APTX: variants seen among roughly 807,000 people sequenced by gnomAD.
APTX encodes the protein aprataxin.
APTX carries 33 observed loss-of-function variants against 42.3 expected under a neutral mutation model. That is an observed-to-expected ratio of 0.78 (90% CI 0.59 to 1.04). The LOEUF is 1.04. APTX is among the 50% of genes least tolerant of loss of function. The probability of loss-of-function intolerance (pLI) is 0.00; values close to 1 mark genes in which losing one functional copy is unlikely to be tolerated. For synonymous variants in APTX, 130 were observed against 146.7 expected (o/e 0.89, Z 0.82); for missense variants, 421 against 415.1 (o/e 1.01, Z -0.12).
Position 33,001,596 on chromosome 9 carries a change from G to C in APTX, c.-34C>G. ...AGAAGTCGGAGACGGACAAATTCAC[G>C]TTACTCATCTGTGCCTCACCGCTTC... On this transcript the variant is annotated 5_prime_UTR_variant, in exon 1 of 8. Transcript: ENST00000379817. The C allele has an allele frequency of 6.2e-7, 1 of 1,613,936 alleles. No individual in the cohort carries two copies. The highest frequency in any genetic ancestry group is 8.5e-7 in the Non-Finnish European group (1 of 1,180,020).
chr9:33,016,832 T>C (rs1382444811), intron 1 of APTX, among the ~76,000 whole-genome samples: 2 of 152,236 alleles, frequency 1.3e-5, no homozygotes, highest in Non-Finnish European at 2.9e-5. Context: ...TGTGTAGTGC[T>C]GGGCTGGACG....
intron 1 of APTX, among the ~76,000 whole-genome samples, chr9:32,994,676 TTC>T (rs1834404947): frequency 6.6e-6 from 1 of 152,244 alleles, no homozygotes; most frequent in South Asian, 2.1e-4. Context: ...TTCAAACTTT[TTC>T]GTTATTATTA....
intron 6 of APTX, among the ~76,000 whole-genome samples, chr9:32,982,866 T>C (rs1350424759): frequency 6.6e-6 from 1 of 152,220 alleles, no homozygotes; most frequent in Non-Finnish European, 1.5e-5. Flanking sequence ...AATAAAAATA[T>C]ATTTATATTT....
chr9:33,000,899 G>C (rs1207359789), intron 1 of APTX, among the ~76,000 whole-genome samples: 1 of 140,876 alleles, frequency 7.1e-6, no homozygotes, highest in Non-Finnish European at 1.5e-5. Flanking sequence ...CCAGGCTGGA[G>C]TGCAATGGCG....
chr9:32,984,870 T>C lies in APTX; in HGVS notation c.544-13A>G. On this transcript the variant is annotated splice_polypyrimidine_tract_variant and intron_variant, in intron 5 of 7. Transcript: ENST00000379817. ...CATCTTTGTAAACCTAGCAGAGGGA[T>C]ACAAGAGAAGGAAACAGACATCTAC... 3 of 1,606,562 alleles carry C rather than the reference T, an allele frequency of 1.9e-6. No individual in the cohort carries two copies. Among genetic ancestry groups the C allele is most frequent in the Non-Finnish European group, 2.6e-6 (3 of 1,173,080 alleles).
At chr9:32,989,612 C>T (rs1291656109) in intron 2 of APTX, 147 bp downstream of exon 2, 6 of 1,196,046 alleles carry the variant, frequency 5.0e-6, no homozygotes, top group Non-Finnish European at 7.4e-6. Flanking sequence ...TAAATAGGGC[C>T]CTGGTGTTGG....
At chr9:32,995,938 T>C (rs10758177) in intron 1 of APTX, among the ~76,000 whole-genome samples, 145,102 of 151,244 alleles carry the variant, frequency 0.96, 69,811 homozygotes, top group East Asian at 1. Context: ...CTTCAGCAAC[T>C]ATGACCCTGA....
chr9:32,987,540 T>A lies in APTX; in HGVS notation c.483+4A>T. On this transcript the variant is annotated splice_donor_region_variant and intron_variant, in intron 4 of 7. Transcript: ENST00000379817. ...ACATCATCTACCAATCACACTACCC[T>A]CACCTTTTTGATAGGTGCATCTTTT... 6.2e-7 allele frequency: 1 copy of A among 1,613,602 alleles called. No individual in the cohort carries two copies. Among genetic ancestry groups the A allele is most frequent in the East Asian group, 2.2e-5 (1 of 44,886 alleles).
At chr9:32,990,277 A>G (rs1291353001) in intron 1 of APTX, among the ~76,000 whole-genome samples, 1 of 152,106 alleles carries the variant, frequency 6.6e-6, no homozygotes, top group East Asian at 1.9e-4. Context: ...GGTTCAAGCA[A>G]TTCTCCTGCC....
chr9:32,982,255 C>G (rs10120554), intron 6 of APTX, among the ~76,000 whole-genome samples: 18,772 of 152,034 alleles, frequency 0.12, 1,294 homozygotes, highest in East Asian at 0.28. Context: ...TCAAAAGTGT[C>G]AAGGTCATGA....
upstream of APTX, chr9:33,001,753 C>G: frequency 2.9e-6 from 3 of 1,024,066 alleles, no homozygotes; most frequent in Non-Finnish European, 4.4e-6. Flanking sequence ...ATTGGGTTCT[C>G]TCTGGGCCGT....
At chr9:33,012,542 CA>C (rs1837613197) in intron 1 of APTX, among the ~76,000 whole-genome samples, 1 of 152,074 alleles carries the variant, frequency 6.6e-6, no homozygotes, top group African/African-American at 2.4e-5. Flanking sequence ...TGCTCCTGTT[CA>C]AAGGATCCAG....
intron 1 of APTX, among the ~76,000 whole-genome samples, chr9:32,995,554 G>T (rs927863908): frequency 2.0e-5 from 3 of 152,168 alleles, no homozygotes; most frequent in Admixed American, 6.5e-5. Context: ...CTCTTGAGAT[G>T]AAATCTATTC....
rs1831432095 is a variant in APTX, at chr9:32,984,553, C to T, written c.770+78G>A. The T allele has an allele frequency of 3.5e-6, 5 of 1,435,750 alleles. No individual in the cohort carries two copies. In the Admixed American group the frequency reaches 8.4e-5, roughly 24 times the overall value. 88.9% of individuals were successfully genotyped at this position (1,435,750 alleles called of 1,614,324 possible). A position where few individuals can be genotyped will look rare whatever the true frequency, so the allele number is the denominator to read the frequency against. The stretch of plus-strand genomic sequence containing the variant: ...TCCCTGGGTCTCAGTGCAATATGTG[C>T]CCTCAGCAAGCCCAGGCTGAATCTA... On this transcript the variant is annotated intron_variant, in intron 6 of 7. Coordinates refer to ENST00000379817, the MANE Select transcript of APTX (RefSeq NM_001195248.2).
At chr9:33,023,821 T>C (rs1218110069) in intron 1 of APTX, among the ~76,000 whole-genome samples, 1 of 152,266 alleles carries the variant, frequency 6.6e-6, no homozygotes, top group Admixed American at 6.5e-5. Context: ...TCAAAATTCT[T>C]AGCGTAGCAT....
At chr9:33,021,043 C>T (rs1327317554) in intron 1 of APTX, among the ~76,000 whole-genome samples, 3 of 151,600 alleles carry the variant, frequency 2.0e-5, no homozygotes, top group African/African-American at 4.8e-5. Flanking sequence ...GCAGGAGAAT[C>T]GCTTGAACCT....
chr9:33,000,625 C>CAAAAAAAAAAAAA (rs60760701), intron 1 of APTX, among the ~76,000 whole-genome samples: 3 of 63,452 alleles, frequency 4.7e-5, no homozygotes, highest in Non-Finnish European at 9.0e-5. Context: ...GACTCTGTCT[C>CAAAAAAAAAAAAA]AAAAAAAAAA....
At chr9:33,018,608 C>T (rs1486088406) in intron 1 of APTX, among the ~76,000 whole-genome samples, 4 of 146,872 alleles carry the variant, frequency 2.7e-5, no homozygotes, top group Non-Finnish European at 5.9e-5. Context: ...TCCCCAGGTA[C>T]TGTGGCTTAT....
At position 32,986,034 on chromosome 9, in the gene APTX, A is replaced by AAAACAAAAC; in HGVS notation, c.484-5_484-4insGTTTTGTTT. The AAAACAAAAC allele has an allele frequency of 7.6e-7, 1 of 1,317,010 alleles. No homozygotes were observed. The allele number at this position is 1,317,010 out of a possible 1,614,324, so 81.6% of individuals were successfully genotyped here. A position where few individuals can be genotyped will look rare whatever the true frequency, so the allele number is the denominator to read the frequency against. ...GACTCCAGTGGCCCAGGGATTCCTA[A>AAAACAAAAC]AAAAAAAACAAAAAAAAAAACAAAA... On this transcript the variant is annotated splice_polypyrimidine_tract_variant and splice_region_variant and intron_variant, in intron 4 of 7. Coordinates refer to ENST00000379817, the MANE Select transcript of APTX (RefSeq NM_001195248.2).
Sources: gnomAD v4.1 joint callset for allele counts (sites outside exome capture counted in the v4.1 genomes callset) on GRCh38, gnomAD v4.1.1 for gene constraint, MANE v1.5 for transcripts, NCBI Gene and HGNC (gene_info 2026-07-23, HGNC 2026-07-21) for gene names.